Variants in TMTC1 observed in about 807,000 individuals in gnomAD.
TMTC1 encodes the protein transmembrane O-mannosyltransferase targeting cadherins 1.
TMTC1 carries 73 observed loss-of-function variants against 104.8 expected under a neutral mutation model. That is an observed-to-expected ratio of 0.70 (90% CI 0.58 to 0.85). The LOEUF (loss-of-function observed/expected upper bound fraction) is 0.85. Ranked by LOEUF, TMTC1 falls within the 40% of genes least tolerant of loss-of-function variation. The pLI is 0.00. For missense variants in TMTC1, 1,035 were observed against 1,096.1 expected, an observed-to-expected ratio of 0.94 and a Z score of 0.79; for synonymous variants, 434 against 428.7, an observed-to-expected ratio of 1.01 and a Z score of -0.15.
intron 2 of TMTC1, among the ~76,000 whole-genome samples, chr12:29,759,790 AGTCAAAAG>A (rs1178275691): frequency 6.6e-6 from 1 of 152,192 alleles, no homozygotes; most frequent in East Asian, 1.9e-4. Context: ...ATAAAATGAC[AGTCAAAAG>A]GTCATAGAAG....
chr12:29,556,751 T>C (rs1945254709), intron 10 of TMTC1, 106 bp downstream of exon 10: 1 of 1,419,184 alleles, frequency 7.0e-7, no homozygotes, highest in African/African-American at 1.4e-5. Flanking sequence ...CCCTAATTAT[T>C]CAGCTCCAGA....
At chr12:29,778,318 T>A (rs1291684765) in intron 1 of TMTC1, among the ~76,000 whole-genome samples, 1 of 152,234 alleles carries the variant, frequency 6.6e-6, no homozygotes, top group Non-Finnish European at 1.5e-5. Flanking sequence ...TCCACCTGCT[T>A]ACTGAATGGA....
chr12:29,748,839 T>G (rs890503740), intron 5 of TMTC1, among the ~76,000 whole-genome samples: 3 of 152,150 alleles, frequency 2.0e-5, no homozygotes, highest in African/African-American at 7.2e-5. Context: ...TTATTAAAAA[T>G]TCAAGTAAAT....
In TMTC1 at chr12:29,540,680, G is replaced by A. The variant is rs532992764; in HGVS notation, c.1677-4363C>T. On this transcript the variant is annotated intron_variant, in intron 10 of 17. Coordinates refer to ENST00000539277, the MANE Select transcript of TMTC1 (RefSeq NM_001193451.2). Reference sequence around the variant, plus strand: ...TAGAAATTCAATAATTGCTGCATTCGTTTAAAAAAAAAAAATCACCGTAGT... The same window carrying A: ...TAGAAATTCAATAATTGCTGCATTCATTTAAAAAAAAAAAATCACCGTAGT... Among the ~76,000 whole-genome samples the A allele has an allele frequency of 0.023, 59 of 2,566 alleles. 1 individual carries two copies. The South Asian group carries it at 0.44, about 19-fold the overall frequency. The allele number at this position is 2,566 out of a possible 152,430, so 1.7% of individuals were successfully genotyped here. A position where few individuals can be genotyped will look rare whatever the true frequency, so the allele number is the denominator to read the frequency against.
intron 10 of TMTC1, among the ~76,000 whole-genome samples, chr12:29,553,872 T>C (rs1592222472): frequency 6.6e-6 from 1 of 152,316 alleles, no homozygotes; most frequent in South Asian, 2.1e-4. Context: ...CTTATAAGAA[T>C]ATCTGCCATT....
At chr12:29,781,398 C>T (rs1943832942) in intron 1 of TMTC1, among the ~76,000 whole-genome samples, 1 of 152,212 alleles carries the variant, frequency 6.6e-6, no homozygotes, top group Non-Finnish European at 1.5e-5. Context: ...TCTCTTCCTC[C>T]TGAATCCCCC....
At chr12:29,555,134 C>CAT (rs376904425) in intron 10 of TMTC1, among the ~76,000 whole-genome samples, 2 of 88,210 alleles carry the variant, frequency 2.3e-5, no homozygotes, top group Non-Finnish European at 4.0e-5. Context: ...TTCCAACATC[C>CAT]TTTTTTTTTT....
intron 11 of TMTC1, chr12:29,532,460 T>C (rs1317799605): frequency 6.6e-6 from 1 of 152,166 alleles, no homozygotes; most frequent in Non-Finnish European, 1.5e-5. Flanking sequence ...TGTCCCAGCA[T>C]TTGAAATATT....
chr12:29,630,224 T>C (rs1938226203), intron 6 of TMTC1, among the ~76,000 whole-genome samples: 1 of 152,168 alleles, frequency 6.6e-6, no homozygotes, highest in Non-Finnish European at 1.5e-5. Flanking sequence ...AGGTAATTTA[T>C]AAAGAAAACA....
rs1943666494 is a variant in TMTC1 at position 29,504,956 on chromosome 12, G to A, written c.*1890C>T. 6.6e-6 allele frequency: 1 copy of A among 151,976 alleles called. No homozygotes were observed. The highest frequency in any genetic ancestry group is 2.4e-5 in the African/African-American group (1 of 41,388). The allele number at this position is 151,976 out of a possible 1,614,324, so 9.4% of individuals were successfully genotyped here. A position where few individuals can be genotyped will look rare whatever the true frequency, so the allele number is the denominator to read the frequency against. On this transcript the variant is annotated 3_prime_UTR_variant, in exon 18 of 18. Coordinates refer to ENST00000539277, the MANE Select transcript of TMTC1 (RefSeq NM_001193451.2). ...TTGACACTAGGACTATGATTTTGGG[G>A]GAAGAATAGTTCTTAATTAAGGTTG...
intron 13 of TMTC1, 27 bp from the exon 14 acceptor site, chr12:29,517,598 A>G: frequency 6.2e-7 from 1 of 1,613,630 alleles, no homozygotes; most frequent in South Asian, 1.1e-5. Flanking sequence ...TCTAAATGAC[A>G]TTTCTCTTCT....
At chr12:29,578,136 C>T (rs978351749) in intron 8 of TMTC1, among the ~76,000 whole-genome samples, 4 of 151,992 alleles carry the variant, frequency 2.6e-5, no homozygotes, top group Non-Finnish European at 5.9e-5. Flanking sequence ...AACATGGTCT[C>T]TGCTGAGATC....
chr12:29,581,528 G>C (rs1945980111), intron 8 of TMTC1, among the ~76,000 whole-genome samples: 1 of 151,960 alleles, frequency 6.6e-6, no homozygotes, highest in Non-Finnish European at 1.5e-5. Flanking sequence ...AACAATAGAA[G>C]CTTCTGGATG....
intron 2 of TMTC1, among the ~76,000 whole-genome samples, chr12:29,759,383 G>C (rs1233379761): frequency 1.3e-5 from 2 of 152,142 alleles, no homozygotes; most frequent in South Asian, 2.1e-4. Flanking sequence ...TGTAGTTCCA[G>C]TTACTCAGGA....
chr12:29,650,867 G>T (rs923654777), intron 5 of TMTC1, among the ~76,000 whole-genome samples: 3 of 152,188 alleles, frequency 2.0e-5, no homozygotes, highest in Non-Finnish European at 2.9e-5. Context: ...TGTGAATAGA[G>T]GGGGAGAAAA....
intron 5 of TMTC1, among the ~76,000 whole-genome samples, chr12:29,660,298 G>A (rs562042799): frequency 3.3e-5 from 5 of 152,316 alleles, no homozygotes; most frequent in African/African-American, 7.2e-5. Context: ...GAGATATCAC[G>A]TAGAGGAGAA....
chr12:29,565,898 G>T (rs1945498701), intron 9 of TMTC1, among the ~76,000 whole-genome samples: 1 of 152,258 alleles, frequency 6.6e-6, no homozygotes, highest in Admixed American at 6.5e-5. Flanking sequence ...ATGTAGCATT[G>T]TTCCATTCAA....
intron 2 of TMTC1, among the ~76,000 whole-genome samples, chr12:29,766,192 A>G (rs1010125496): frequency 4.6e-5 from 7 of 152,224 alleles, no homozygotes; most frequent in African/African-American, 1.7e-4. Flanking sequence ...TTTTTTATAA[A>G]GTGATCTTTC....
chr12:29,639,303 C>T (rs772639287), intron 5 of TMTC1, among the ~76,000 whole-genome samples: 4 of 152,138 alleles, frequency 2.6e-5, no homozygotes, highest in African/African-American at 4.8e-5. Context: ...ATCCTAGAAT[C>T]TCCACAGAAT....
Sources: allele counts gnomAD v4.1 joint callset (sites outside exome capture counted in the v4.1 genomes callset), GRCh38; gene constraint gnomAD v4.1.1; transcripts MANE v1.5; gene names NCBI Gene and HGNC (gene_info 2026-07-23, HGNC 2026-07-21).